Variants in UNC5C observed in about 807,000 individuals in gnomAD.
UNC5C encodes netrin receptor UNC5C.
UNC5C carries 47 observed loss-of-function variants against 99.8 expected under a neutral mutation model. The observed-to-expected ratio is 0.47, with a 90% CI of 0.37 to 0.60. The LOEUF (loss-of-function observed/expected upper bound fraction) is 0.60. UNC5C is among the 20% of genes least tolerant of loss of function. The pLI, the probability that UNC5C is intolerant of heterozygous loss-of-function variation, is 0.00. For missense variants in UNC5C, 1,062 were observed against 1,165.9 expected (o/e 0.91, Z 1.30); for synonymous variants, 487 against 452.2 (o/e 1.08, Z -0.98).
intron 1 of UNC5C, among the ~76,000 whole-genome samples, chr4:95,442,373 T>C (rs1746975026): frequency 6.7e-6 from 1 of 149,648 alleles, no homozygotes; most frequent in African/African-American, 2.5e-5. Flanking sequence ...CAGCTAATTT[T>C]TTTTTTTTTT....
chr4:95,280,939 G>A (rs115064667), intron 3 of UNC5C, among the ~76,000 whole-genome samples: 95 of 152,200 alleles, frequency 6.2e-4, no homozygotes, highest in African/African-American at 2.2e-3. Flanking sequence ...GAAACATTAA[G>A]AATTTTCTCT....
At chr4:95,346,943 A>C (rs1229137356) in intron 1 of UNC5C, among the ~76,000 whole-genome samples, 1 of 152,032 alleles carries the variant, frequency 6.6e-6, no homozygotes, top group Non-Finnish European at 1.5e-5. Flanking sequence ...AAAAAAATAA[A>C]GGGCATCTAA....
At chr4:95,476,513 T>C (rs749696844) in intron 1 of UNC5C, among the ~76,000 whole-genome samples, 1 of 151,898 alleles carries the variant, frequency 6.6e-6, no homozygotes, top group African/African-American at 2.4e-5. Flanking sequence ...AGAACTGGGG[T>C]GTCCTTTAGT....
intron 3 of UNC5C, among the ~76,000 whole-genome samples, chr4:95,291,344 G>A (rs1273373911): frequency 6.6e-6 from 1 of 152,070 alleles, no homozygotes; most frequent in Non-Finnish European, 1.5e-5. Context: ...TTTTCTCAGA[G>A]TACAAAAAAA....
At chr4:95,273,987 C>T (rs768727354) in intron 4 of UNC5C, among the ~76,000 whole-genome samples, 1 of 152,162 alleles carries the variant, frequency 6.6e-6, no homozygotes, top group African/African-American at 2.4e-5. Context: ...AGCAGGGCCT[C>T]TTTCTGTCAT....
chr4:95,503,459 C>T (rs1405068746), intron 1 of UNC5C, among the ~76,000 whole-genome samples: 2 of 152,116 alleles, frequency 1.3e-5, no homozygotes, highest in Admixed American at 1.3e-4. Flanking sequence ...TACATCTCTT[C>T]TTTTGTAACA....
chr4:95,387,634 T>G (rs1745248733), intron 1 of UNC5C, among the ~76,000 whole-genome samples: 1 of 152,206 alleles, frequency 6.6e-6, no homozygotes, highest in Non-Finnish European at 1.5e-5. Flanking sequence ...TAATTCATCC[T>G]AAAACTCTGT....
intron 14 of UNC5C, among the ~76,000 whole-genome samples, chr4:95,176,381 C>T (rs1217878059): frequency 2.6e-5 from 4 of 151,784 alleles, no homozygotes; most frequent in East Asian, 1.9e-4. Flanking sequence ...GTTTTATCTA[C>T]TTTTGGTCTT....
intron 1 of UNC5C, among the ~76,000 whole-genome samples, chr4:95,507,128 T>C (rs1419984845): frequency 6.6e-6 from 1 of 151,986 alleles, no homozygotes; most frequent in Non-Finnish European, 1.5e-5. Context: ...TTCCAAGTTT[T>C]TACTCTCATG....
chr4:95,250,723 T>C (rs989444431), intron 4 of UNC5C, 56 bp from the exon 5 acceptor site: 2 of 1,561,358 alleles, frequency 1.3e-6, no homozygotes, highest in African/African-American at 1.4e-5. Context: ...CTGATGGCTG[T>C]CTGTCCTAAC....
At chr4:95,293,089 T>C (rs1191472935) in intron 3 of UNC5C, among the ~76,000 whole-genome samples, 1 of 152,202 alleles carries the variant, frequency 6.6e-6, no homozygotes, top group African/African-American at 2.4e-5. Flanking sequence ...TAAATCTGAA[T>C]GAAAGAAGAA....
intron 10 of UNC5C, among the ~76,000 whole-genome samples, chr4:95,215,678 C>T (rs1738221309): frequency 6.6e-6 from 1 of 151,882 alleles, no homozygotes; most frequent in South Asian, 2.1e-4. Flanking sequence ...AAGGAAGAAT[C>T]GTGGGTCAGA....
chr4:95,365,712 A>G (rs938419820), intron 1 of UNC5C, among the ~76,000 whole-genome samples: 1 of 152,134 alleles, frequency 6.6e-6, no homozygotes, highest in African/African-American at 2.4e-5. Context: ...AAAATGAGAC[A>G]TGTTCTAAAT....
chr4:95,498,077 A>G (rs1215489854), intron 1 of UNC5C, among the ~76,000 whole-genome samples: 1 of 151,980 alleles, frequency 6.6e-6, no homozygotes, highest in Non-Finnish European at 1.5e-5. Flanking sequence ...AATGGGGATA[A>G]TAATAAGTAG....
chr4:95,547,289 T>C (rs1189452558), intron 1 of UNC5C, among the ~76,000 whole-genome samples: 1 of 152,098 alleles, frequency 6.6e-6, no homozygotes, highest in East Asian at 1.9e-4. Flanking sequence ...GAAAATTTAC[T>C]TCCGAAGAAG....
chr4:95,281,715 T>C (rs1206712861), intron 3 of UNC5C, among the ~76,000 whole-genome samples: 3 of 152,230 alleles, frequency 2.0e-5, no homozygotes, highest in African/African-American at 7.2e-5. Flanking sequence ...AGTATCAAGA[T>C]GGGCAGGGAA....
At chr4:95,533,858 T>C (rs7686256) in intron 1 of UNC5C, among the ~76,000 whole-genome samples, 6,873 of 152,266 alleles carry the variant, frequency 0.045, 277 homozygotes, top group African/African-American at 0.1. Context: ...TCATATTTTT[T>C]GTTGTTTTGT....
At chr4:95,258,682 T>C (rs2149385481) in intron 4 of UNC5C, among the ~76,000 whole-genome samples, 1 of 151,852 alleles carries the variant, frequency 6.6e-6, no homozygotes. Flanking sequence ...TAGAATGACC[T>C]GTTTGCCTAT....
chr4:95,347,433 A>T (rs1743817754), intron 1 of UNC5C, among the ~76,000 whole-genome samples: 1 of 152,100 alleles, frequency 6.6e-6, no homozygotes, highest in Admixed American at 6.6e-5. Flanking sequence ...GAACCACAAC[A>T]CACCCAGAAT....
Sources: allele counts gnomAD v4.1 joint callset (sites outside exome capture counted in the v4.1 genomes callset), GRCh38; gene constraint gnomAD v4.1.1; transcripts MANE v1.5; gene names NCBI Gene and HGNC (gene_info 2026-07-23, HGNC 2026-07-21).